The following ST7L variants were observed in gnomAD, a reference collection of about 807,000 sequenced individuals.
The protein encoded by ST7L is suppression of tumorigenicity 7 like, also known as suppressor of tumorigenicity 7 protein-like.
Under a neutral mutation model 72.5 loss-of-function variants are expected in ST7L, and 57 were observed. That is an observed-to-expected ratio of 0.79 (90% CI 0.64 to 0.98). ST7L has a LOEUF of 0.98. Ranked by LOEUF, ST7L falls within the 50% of genes least tolerant of loss-of-function variation. The pLI, the probability that ST7L is intolerant of heterozygous loss-of-function variation, is 0.00. For synonymous variants in ST7L, 221 were observed against 240.9 expected (o/e 0.92, Z 0.77); for missense variants, 576 against 672.2 (o/e 0.86, Z 1.58).
At chr1:112,533,312 C>T (rs1050194926) in intron 14 of ST7L, among the ~76,000 whole-genome samples, 13 of 149,580 alleles carry the variant, frequency 8.7e-5, no homozygotes, top group Admixed American at 3.4e-4. Flanking sequence ...AGCATATGTG[C>T]GTTATTTTAT....
chr1:112,556,966 C>CACAAAA (rs1659232098), intron 11 of ST7L, among the ~76,000 whole-genome samples: 1 of 49,524 alleles, frequency 2.0e-5, no homozygotes, highest in Non-Finnish European at 4.1e-5. Context: ...GACTCTGTCT[C>CACAAAA]AAAAAAAAAA....
downstream of ST7L, among the ~76,000 whole-genome samples, chr1:112,520,025 A>G (rs1652778052): frequency 1.3e-5 from 2 of 151,920 alleles, no homozygotes; most frequent in South Asian, 4.2e-4. Context: ...GCTCATGCCC[A>G]TGGCACCTGG....
chr1:112,551,038 G>A (rs1203763222), intron 12 of ST7L, among the ~76,000 whole-genome samples: 1 of 148,620 alleles, frequency 6.7e-6, no homozygotes, highest in Non-Finnish European at 1.5e-5. Flanking sequence ...TAACTGGGAT[G>A]TATATAACTG....
intron 13 of ST7L, among the ~76,000 whole-genome samples, chr1:112,543,147 G>A (rs1656449805): frequency 6.6e-6 from 1 of 152,178 alleles, no homozygotes; most frequent in South Asian, 2.1e-4. Flanking sequence ...AGACTAGTAT[G>A]GAGAAAGAGG....
chr1:112,575,524 G>A (rs1208555267), intron 11 of ST7L, among the ~76,000 whole-genome samples: 1 of 152,186 alleles, frequency 6.6e-6, no homozygotes, highest in African/African-American at 2.4e-5. Flanking sequence ...ATGATACCAT[G>A]ACAGTCGATC....
chr1:112,613,120 A>G (rs1669323765), intron 2 of ST7L, among the ~76,000 whole-genome samples: 1 of 147,146 alleles, frequency 6.8e-6, no homozygotes, highest in Non-Finnish European at 1.5e-5. Flanking sequence ...CACTGTTTCG[A>G]AAAAAAAAAA....
intron 1 of ST7L, chr1:112,618,324 T>C (rs904429632): frequency 2.0e-6 from 2 of 993,672 alleles, no homozygotes; most frequent in African/African-American, 1.7e-5. Flanking sequence ...CCACTGTTGT[T>C]TGTGGCGCTC....
chr1:112,579,094 C>A (rs571681188), intron 9 of ST7L, among the ~76,000 whole-genome samples: 1 of 151,798 alleles, frequency 6.6e-6, no homozygotes, highest in Admixed American at 6.6e-5. Context: ...TCTACAATAA[C>A]CTGCTTATGG....
At chr1:112,603,600 T>C (rs1404152664) in intron 3 of ST7L, among the ~76,000 whole-genome samples, 1 of 152,262 alleles carries the variant, frequency 6.6e-6, no homozygotes, top group East Asian at 1.9e-4. Context: ...TTCTATTAAC[T>C]GAACTTTTTC....
At chr1:112,614,423 T>C (rs987982622) in intron 2 of ST7L, among the ~76,000 whole-genome samples, 5 of 152,200 alleles carry the variant, frequency 3.3e-5, no homozygotes, top group African/African-American at 1.2e-4. Flanking sequence ...TTGTATGCTA[T>C]GGACTAAACA....
chr1:112,577,761 C>T (rs1390766439), intron 10 of ST7L, among the ~76,000 whole-genome samples: 1 of 152,002 alleles, frequency 6.6e-6, no homozygotes, highest in Admixed American at 6.6e-5. Context: ...TGAGAGGACA[C>T]AAATGGAAAA....
intron 11 of ST7L, among the ~76,000 whole-genome samples, chr1:112,561,541 C>T (rs772429926): frequency 2.6e-5 from 4 of 151,920 alleles, no homozygotes; most frequent in East Asian, 1.9e-4. Flanking sequence ...AGTGCAATGG[C>T]GTGATCTCGG....
rs556756789 is a variant in ST7L at position 112,560,655 on chromosome 1, A to G, written c.1246-4637T>C. 5.9e-5 allele frequency among the ~76,000 whole-genome samples: 9 copies of G among 152,082 alleles called. No homozygotes were observed. The East Asian group carries it at 1.8e-3, about 30-fold the overall frequency. Reference sequence around the variant, plus strand: ...ACTACCATGCCTAGCATATTACACTAAAAGCAAGTATTAAAATACTTATTG... The same window carrying G: ...ACTACCATGCCTAGCATATTACACTGAAAGCAAGTATTAAAATACTTATTG... On this transcript the variant is annotated intron_variant, in intron 11 of 14. Coordinates refer to ENST00000358039, the MANE Select transcript of ST7L (RefSeq NM_017744.5).
chr1:112,541,061 G>A (rs1304187258), intron 14 of ST7L, among the ~76,000 whole-genome samples: 2 of 152,170 alleles, frequency 1.3e-5, no homozygotes. Flanking sequence ...GAGGCGGGCA[G>A]ATCACTTGAG....
intron 5 of ST7L, among the ~76,000 whole-genome samples, chr1:112,591,964 A>T (rs114565130): frequency 0.02 from 3,065 of 152,178 alleles, 107 homozygotes; most frequent in African/African-American, 0.069. Flanking sequence ...TACTTTTATC[A>T]TTCTGAAAAG....
Position 112,618,847 on chromosome 1 carries a change from G to A in ST7L, c.205+62C>T. ...ACTACCGAGAATCTCTTGCCCTTTGGCTCTTGCCCCCGACATCTCTCCTGG... is the reference window on the plus strand; with the variant it reads ...ACTACCGAGAATCTCTTGCCCTTTGACTCTTGCCCCCGACATCTCTCCTGG... On this transcript the variant is annotated intron_variant, in intron 1 of 14. Coordinates refer to ENST00000358039, the MANE Select transcript of ST7L (RefSeq NM_017744.5). The A allele has an allele frequency of 2.6e-6, 4 of 1,534,756 alleles. No individual in the cohort carries two copies. The Admixed American group carries it at 6.0e-5, about 23-fold the overall frequency.
chr1:112,576,953 T>C (rs1417433052), intron 11 of ST7L, 33 bp downstream of exon 11: 6 of 1,466,374 alleles, frequency 4.1e-6, no homozygotes, highest in Non-Finnish European at 3.8e-6. Flanking sequence ...TAAACTTAAA[T>C]AAAGGTAGTA....
intron 2 of ST7L, among the ~76,000 whole-genome samples, chr1:112,611,367 A>AT (rs1251765525): frequency 6.6e-6 from 1 of 152,254 alleles, no homozygotes; most frequent in Non-Finnish European, 1.5e-5. Flanking sequence ...GTGGATGAAC[A>AT]GACTAGACTA....
At chr1:112,581,937 A>G in intron 9 of ST7L, 55 bp downstream of exon 9, 2 of 1,178,902 alleles carry the variant, frequency 1.7e-6, no homozygotes. Context: ...CCACATTTAT[A>G]ATTACATAAT....
Sources: allele counts gnomAD v4.1 joint callset (sites outside exome capture counted in the v4.1 genomes callset), GRCh38; gene constraint gnomAD v4.1.1; transcripts MANE v1.5; gene names NCBI Gene and HGNC (gene_info 2026-07-23, HGNC 2026-07-21).